The following PHF3 variants were observed in gnomAD, a reference collection of about 807,000 sequenced individuals.
PHF3 encodes PHD finger protein 3.
PHF3 carries 41 observed loss-of-function variants against 178.4 expected under a neutral mutation model. That is an observed-to-expected ratio of 0.23 (90% CI 0.18 to 0.30). The LOEUF (loss-of-function observed/expected upper bound fraction) is 0.30. Ranked by LOEUF, PHF3 falls within the 10% of genes least tolerant of loss-of-function variation. The pLI, the probability that PHF3 is intolerant of heterozygous loss-of-function variation, is 1.00. For missense variants in PHF3, 2,346 were observed against 2,398.1 expected (o/e 0.98, Z 0.45); for synonymous variants, 842 against 800.5 (o/e 1.05, Z -0.88).
At chr6:63,646,413 T>C in intron 1 of PHF3, 114 bp from the exon 2 acceptor site, 4 of 625,258 alleles carry the variant, frequency 6.4e-6, no homozygotes, top group Non-Finnish European at 7.4e-6. Context: ...TAAACAACAA[T>C]TCAGAAATAC....
chr6:63,687,849 C>G (rs573278123), intron 4 of PHF3, among the ~76,000 whole-genome samples: 2 of 152,116 alleles, frequency 1.3e-5, no homozygotes, highest in African/African-American at 2.4e-5. Flanking sequence ...TGTTTTTGCT[C>G]AAGTCTGTAG....
At chr6:63,644,159 A>G (rs534166059) in intron 1 of PHF3, among the ~76,000 whole-genome samples, 2 of 152,276 alleles carry the variant, frequency 1.3e-5, no homozygotes, top group African/African-American at 4.8e-5. Flanking sequence ...TTTTGAAGGA[A>G]GGTTAGCCAT....
At chr6:63,672,568 A>T (rs1412346403) in intron 2 of PHF3, among the ~76,000 whole-genome samples, 2 of 152,224 alleles carry the variant, frequency 1.3e-5, no homozygotes, top group African/African-American at 2.4e-5. Flanking sequence ...TCCTTTAATG[A>T]AATTAGAAGA....
At chr6:63,680,464 G>GT (rs1401062231) in intron 3 of PHF3, among the ~76,000 whole-genome samples, 3 of 131,154 alleles carry the variant, frequency 2.3e-5, no homozygotes, top group Non-Finnish European at 3.2e-5. Context: ...ATATGTTGCT[G>GT]TTTTTTGATT....
intron 2 of PHF3, among the ~76,000 whole-genome samples, chr6:63,672,130 C>A (rs866430537): frequency 5.9e-5 from 9 of 152,304 alleles, no homozygotes; most frequent in Middle Eastern, 3.4e-3. Flanking sequence ...CGTGAGCCAC[C>A]GTGCCTGGCC....
At chr6:63,687,411 G>C (rs1465436600) in intron 4 of PHF3, among the ~76,000 whole-genome samples, 2 of 152,194 alleles carry the variant, frequency 1.3e-5, no homozygotes, top group Non-Finnish European at 2.9e-5. Context: ...GACGAAGTGA[G>C]ACTGTCTCCA....
intron 2 of PHF3, among the ~76,000 whole-genome samples, chr6:63,678,178 G>A (rs1312838697): frequency 2.0e-5 from 3 of 150,346 alleles, no homozygotes; most frequent in African/African-American, 4.9e-5. Flanking sequence ...AGCCAAGATC[G>A]CACCACTGCA....
rs751118846 is a variant in PHF3, at chr6:63,716,946, CTAACA to C, written c.*3241_*3245del. ...CCTTAATTCCCTATTCCCATGTAAC[CTAACA>C]TATTTACAGGTGTTCCAAGGATTGG... On this transcript the variant is annotated 3_prime_UTR_variant, in exon 16 of 16. Transcript: ENST00000262043. 1.4e-4 allele frequency among the ~76,000 whole-genome samples: 21 copies of C among 152,008 alleles called. No homozygotes were observed. Among genetic ancestry groups the C allele is most frequent in the South Asian group, 4.1e-4 (2 of 4,826 alleles).
chr6:63,678,275 C>A (rs748771731), intron 2 of PHF3, among the ~76,000 whole-genome samples: 1 of 151,702 alleles, frequency 6.6e-6, no homozygotes, highest in Admixed American at 6.6e-5. Context: ...CAACAAAAAC[C>A]TGAGGATGTA....
At chr6:63,674,325 G>A (rs1047587096) in intron 2 of PHF3, among the ~76,000 whole-genome samples, 8 of 852 alleles carry the variant, frequency 9.4e-3, no homozygotes, top group African/African-American at 0.05. Flanking sequence ...TATATATGGT[G>A]TATATATATA....
At position 63,711,314 on chromosome 6, in the gene PHF3, G is replaced by A. The variant is rs1168019648; in HGVS notation, c.3949G>A (p.Gly1317Ser). Residue 1317 changes from glycine (G) to serine (S), a missense_variant, in exon 15 of 16, where the codon GGT becomes AGT. Transcript: ENST00000262043. ...QVKDMYLIPL[G>S]ATDKIPHPLV... ...TAAAGATATGTACCTTATTCCTTTG[G>A]GTGCCACAGATAAAATTCCACACCC... 3 of 1,612,950 alleles carry A rather than the reference G, an allele frequency of 1.9e-6. No homozygotes were observed. The highest frequency in any genetic ancestry group is 1.7e-5 in the Admixed American group (1 of 59,868).
chr6:63,699,518 A>G (rs572304507), intron 8 of PHF3, among the ~76,000 whole-genome samples: 2 of 152,292 alleles, frequency 1.3e-5, no homozygotes, highest in South Asian at 4.1e-4. Context: ...GGTCCCGAGG[A>G]TCAGATGCTT....
rs1766605285 is a variant in PHF3 at position 63,684,822 on chromosome 6, T to C, written c.1100T>C (p.Val367Ala). 1 of 1,613,916 alleles carries C rather than the reference T, an allele frequency of 6.2e-7. No homozygotes were observed. The highest frequency in any genetic ancestry group is 2.2e-5 in the East Asian group (1 of 44,864). ...ENSLVGLPSCVDEVTECNLEL... is the reference protein window; with the variant it reads ...ENSLVGLPSCADEVTECNLEL... ...AGCCTTGTAGGTTTGCCTAGTTGTG[T>C]AGATGAAGTGACTGAATGTAATTTG... Residue 367 changes from valine (V) to alanine (A), a missense_variant, in exon 4 of 16, where the codon GTA becomes GCA. Around this residue, in one of 8 missense-constraint regions of PHF3, gnomAD observed 843 missense variants for 795.2 expected, o/e 1.06. Transcript: ENST00000262043.
rs1034498858 is a variant in PHF3, at chr6:63,724,074, T to G, written c.*10366T>G. ...CGCCCACCTCGGCCTCCCAAAGTGG[T>G]GGGATTACAGGCATATGCCACTGCA... On this transcript the variant is annotated 3_prime_UTR_variant, in exon 16 of 16. Coordinates refer to ENST00000262043, the MANE Select transcript of PHF3 (RefSeq NM_001370348.2). Among the ~76,000 whole-genome samples the G allele has an allele frequency of 6.6e-6, 1 of 152,084 alleles. No individual in the cohort carries two copies. The highest frequency in any genetic ancestry group is 1.5e-5 in the Non-Finnish European group (1 of 68,018).
intron 4 of PHF3, among the ~76,000 whole-genome samples, chr6:63,689,801 AG>A (rs1005748707): frequency 6.6e-6 from 1 of 152,082 alleles, no homozygotes; most frequent in African/African-American, 2.4e-5. Flanking sequence ...TTTGACCTTT[AG>A]GTTTGGATTT....
intron 2 of PHF3, among the ~76,000 whole-genome samples, chr6:63,663,677 A>G (rs1765562420): frequency 6.6e-6 from 1 of 152,176 alleles, no homozygotes; most frequent in Non-Finnish European, 1.5e-5. Flanking sequence ...ACACTCAGCT[A>G]ACAGTGATAG....
intron 1 of PHF3, among the ~76,000 whole-genome samples, chr6:63,644,530 G>T (rs1050140670): frequency 1.3e-5 from 2 of 152,078 alleles, no homozygotes; most frequent in African/African-American, 4.8e-5. Flanking sequence ...AGCATTGCTA[G>T]CTACAATTTT....
chr6:63,708,351 G>C (rs1418628063), intron 13 of PHF3, among the ~76,000 whole-genome samples: 1 of 151,810 alleles, frequency 6.6e-6, no homozygotes, highest in Non-Finnish European at 1.5e-5. Context: ...AAACGGAGAG[G>C]TAAGCCCTTA....
chr6:63,711,734 T>C lies in PHF3; in HGVS notation c.4146T>C (p.Ser1382=). 1 of 1,613,804 alleles carries C rather than the reference T, an allele frequency of 6.2e-7. No individual in the cohort carries two copies. Among genetic ancestry groups the C allele is most frequent in the Non-Finnish European group, 8.5e-7 (1 of 1,179,882 alleles). The part of the protein sequence containing the change: ...PPIALPPDKK[S]KIEVSTEEAP... ...TAGCATTGCCACCTGATAAAAAAAG[T>C]AAAATAGAAGTTTCTACAGAAGAAG... Residue 1382 remains serine, a synonymous_variant, in exon 16 of 16, where the codon AGT becomes AGC. Coordinates refer to ENST00000262043, the MANE Select transcript of PHF3 (RefSeq NM_001370348.2).
Sources: gnomAD v4.1 joint callset for allele counts (sites outside exome capture counted in the v4.1 genomes callset) on GRCh38, gnomAD v4.1.1 for gene constraint, gnomAD v4.1.1 regional missense constraint, MANE v1.5 for transcripts, NCBI Gene and HGNC (gene_info 2026-07-23, HGNC 2026-07-21) for gene names.